Variants in RAPGEF5 observed in about 807,000 individuals in gnomAD.
The protein encoded by RAPGEF5 is M-Ras-regulated GEF.
In RAPGEF5, 65 loss-of-function variants were observed where a neutral mutation model predicts 125.2. That is an observed-to-expected ratio of 0.52 (90% CI 0.43 to 0.64). The LOEUF (loss-of-function observed/expected upper bound fraction) is 0.64. Among genes scored for constraint, RAPGEF5 ranks in the 30% least tolerant of loss-of-function variants. The pLI is 0.00. For missense variants in RAPGEF5, 958 were observed against 1,048.1 expected (o/e 0.91, Z 1.19); for synonymous variants, 391 against 385.9 (o/e 1.01, Z -0.16).
chr7:22,277,828 C>A (rs1782592764), intron 6 of RAPGEF5, among the ~76,000 whole-genome samples: 1 of 152,142 alleles, frequency 6.6e-6, no homozygotes, highest in South Asian at 2.1e-4. Context: ...AAAGCAAGTT[C>A]TCTCCTTTAT....
chr7:22,197,443 T>C (rs1377161442), intron 9 of RAPGEF5, among the ~76,000 whole-genome samples: 1 of 152,220 alleles, frequency 6.6e-6, no homozygotes, highest in Non-Finnish European at 1.5e-5. Flanking sequence ...TGTGAACACA[T>C]TAACTGAAGA....
chr7:22,183,875 C>A (rs1784750695), intron 11 of RAPGEF5, among the ~76,000 whole-genome samples: 1 of 152,170 alleles, frequency 6.6e-6, no homozygotes, highest in African/African-American at 2.4e-5. Flanking sequence ...TTAAGATGCC[C>A]AAGTTTTCCA....
At chr7:22,156,046 T>C (rs574491120) in intron 16 of RAPGEF5, among the ~76,000 whole-genome samples, 1 of 152,360 alleles carries the variant, frequency 6.6e-6, no homozygotes, top group South Asian at 2.1e-4. Flanking sequence ...AGCAGCATTA[T>C]ATGCAAACAC....
Position 22,122,350 on chromosome 7 carries a change from T to C in RAPGEF5, c.*56A>G, listed in dbSNP as rs1245301832. 3 of 1,395,362 alleles carry C rather than the reference T, an allele frequency of 2.1e-6. No homozygotes were observed. Among genetic ancestry groups the C allele is most frequent in the East Asian group, 4.6e-5 (2 of 43,666 alleles). The allele number at this position is 1,395,362 out of a possible 1,614,324, so 86.4% of individuals were successfully genotyped here. ...TCACAGGAAAGCAACGTGCTTGGCA[T>C]AGACATTCCCGTAGCTCAAAGTGCT... On this transcript the variant is annotated 3_prime_UTR_variant, in exon 26 of 26. Transcript: ENST00000665637.
At chr7:22,328,927 C>T (rs1783861980) in intron 1 of RAPGEF5, among the ~76,000 whole-genome samples, 1 of 152,236 alleles carries the variant, frequency 6.6e-6, no homozygotes. Context: ...TTGCCTCAAA[C>T]TTACTGGATG....
At chr7:22,308,152 A>C (rs1783386946) in intron 5 of RAPGEF5, among the ~76,000 whole-genome samples, 187 bp downstream of exon 5, 1 of 152,220 alleles carries the variant, frequency 6.6e-6, no homozygotes, top group Non-Finnish European at 1.5e-5. Flanking sequence ...TTTAAATACC[A>C]GTTATTTATT....
At chr7:22,346,989 T>C (rs1583595455) in intron 1 of RAPGEF5, among the ~76,000 whole-genome samples, 1 of 152,318 alleles carries the variant, frequency 6.6e-6, no homozygotes, top group Middle Eastern at 3.4e-3. Flanking sequence ...TCTAATGTCA[T>C]TTAGTTATAT....
intron 1 of RAPGEF5, among the ~76,000 whole-genome samples, chr7:22,326,334 A>G (rs1392535534): frequency 1.3e-5 from 2 of 152,234 alleles, no homozygotes; most frequent in African/African-American, 4.8e-5. Flanking sequence ...AGGAGTCCAC[A>G]GACCAAACCC....
chr7:22,273,356 C>T (rs1782485115), intron 6 of RAPGEF5, among the ~76,000 whole-genome samples: 1 of 151,546 alleles, frequency 6.6e-6, no homozygotes, highest in Admixed American at 6.6e-5. Flanking sequence ...GTAGCTGGGA[C>T]TACAGGCGCC....
At chr7:22,124,205 T>G (rs1005034094) in intron 25 of RAPGEF5, among the ~76,000 whole-genome samples, 3 of 152,156 alleles carry the variant, frequency 2.0e-5, no homozygotes, top group African/African-American at 7.2e-5. Flanking sequence ...TAAACTAGAG[T>G]TCCTTGGTTA....
chr7:22,251,759 C>A, intron 7 of RAPGEF5, among the ~76,000 whole-genome samples: 1 of 96,662 alleles, frequency 1.0e-5, no homozygotes, highest in African/African-American at 4.4e-5. Flanking sequence ...TGAGCCCTGC[C>A]AGGAAGTTTC....
At chr7:22,271,472 A>G (rs1039543103) in intron 6 of RAPGEF5, among the ~76,000 whole-genome samples, 6 of 152,250 alleles carry the variant, frequency 3.9e-5, no homozygotes, top group Admixed American at 1.3e-4. Flanking sequence ...ATCCAATCAA[A>G]TAAGATTCAC....
intron 18 of RAPGEF5, 107 bp from the exon 19 acceptor site, chr7:22,147,126 T>C: frequency 7.3e-7 from 1 of 1,365,190 alleles, no homozygotes. Flanking sequence ...AGTAATCTTT[T>C]CTGAGTGCAC....
chr7:22,276,050 C>T (rs1782547509), intron 6 of RAPGEF5, among the ~76,000 whole-genome samples: 1 of 152,170 alleles, frequency 6.6e-6, no homozygotes, highest in South Asian at 2.1e-4. Context: ...GAAGCCCTAA[C>T]TGCTGATCTA....
intron 6 of RAPGEF5, among the ~76,000 whole-genome samples, chr7:22,275,933 A>C (rs1043445091): frequency 1.3e-5 from 2 of 152,210 alleles, no homozygotes; most frequent in Non-Finnish European, 2.9e-5. Context: ...GTTTACAAGA[A>C]CTCAGAAGAA....
intron 9 of RAPGEF5, among the ~76,000 whole-genome samples, chr7:22,217,115 T>C (rs983577804): frequency 5.3e-5 from 8 of 152,350 alleles, no homozygotes; most frequent in South Asian, 2.1e-4. Flanking sequence ...CAACTTGGAT[T>C]CTAACTCAAA....
In RAPGEF5 at chr7:22,157,099, C is replaced by T. The variant is rs186713120; in HGVS notation, c.1558-211G>A. On this transcript the variant is annotated intron_variant, in intron 15 of 25. Transcript: ENST00000665637. ...GCAATCTGATGGGCCTGGGCTAAGGCCAGCAGCAGGCCAAAAGCCCCTATA... is the reference window on the plus strand; with the variant it reads ...GCAATCTGATGGGCCTGGGCTAAGGTCAGCAGCAGGCCAAAAGCCCCTATA... Among the ~76,000 whole-genome samples, 10 of 152,262 alleles carry T rather than the reference C, an allele frequency of 6.6e-5. No individual in the cohort carries two copies. In the East Asian group the frequency reaches 1.9e-3, roughly 29 times the overall value.
chr7:22,294,955 T>A (rs1316021932), intron 5 of RAPGEF5, among the ~76,000 whole-genome samples: 1 of 152,268 alleles, frequency 6.6e-6, no homozygotes, highest in Admixed American at 6.5e-5. Flanking sequence ...CATGATTATT[T>A]GTGAATACAC....
At chr7:22,255,686 T>A (rs1034717879) in intron 7 of RAPGEF5, among the ~76,000 whole-genome samples, 1 of 152,224 alleles carries the variant, frequency 6.6e-6, no homozygotes, top group Non-Finnish European at 1.5e-5. Context: ...TAAAATATTT[T>A]GGTACATGAA....
Sources: gnomAD v4.1 joint callset for allele counts (sites outside exome capture counted in the v4.1 genomes callset) on GRCh38, gnomAD v4.1.1 for gene constraint, MANE v1.5 for transcripts, NCBI Gene and HGNC (gene_info 2026-07-23, HGNC 2026-07-21) for gene names.